Variants in UNC5D observed in about 807,000 individuals in gnomAD.
UNC5D encodes the protein unc-5 netrin receptor D, also known as netrin receptor UNC5D.
UNC5D carries 39 observed loss-of-function variants against 105.4 expected under a neutral mutation model. The observed-to-expected ratio is 0.37, with a 90% confidence interval of 0.29 to 0.48. UNC5D has a LOEUF of 0.48. Among genes scored for constraint, UNC5D ranks in the 20% least tolerant of loss-of-function variants. The probability of loss-of-function intolerance (pLI) is 0.98; values close to 1 mark genes in which losing one functional copy is unlikely to be tolerated. For synonymous variants in UNC5D, 452 were observed against 450.4 expected (o/e 1.00, Z -0.04); for missense variants, 991 against 1,202.4 (o/e 0.82, Z 2.60).
chr8:35,308,497 A>G (rs1808614513), intron 1 of UNC5D, among the ~76,000 whole-genome samples: 1 of 152,154 alleles, frequency 6.6e-6, no homozygotes, highest in South Asian at 2.1e-4. Context: ...TATTTTTGAA[A>G]TAAAAACTTT....
intron 1 of UNC5D, among the ~76,000 whole-genome samples, chr8:35,375,187 G>A (rs527539171): frequency 9.3e-4 from 142 of 152,242 alleles, no homozygotes; most frequent in Non-Finnish European, 2.6e-4. Context: ...TCTCTGTTGC[G>A]TTGAAAGGTG....
chr8:35,631,966 G>A (rs4145392), intron 4 of UNC5D, among the ~76,000 whole-genome samples: 79,072 of 152,098 alleles, frequency 0.52, 24,291 homozygotes, highest in Non-Finnish European at 0.66. Flanking sequence ...CAAATGATCA[G>A]ACAGGTTTCT....
intron 11 of UNC5D, among the ~76,000 whole-genome samples, chr8:35,744,507 G>A (rs1829910320): frequency 6.6e-6 from 1 of 152,096 alleles, no homozygotes; most frequent in Non-Finnish European, 1.5e-5. Flanking sequence ...TCTCTTGTGT[G>A]GAGGAGTTTT....
At chr8:35,674,066 TGA>T (rs1328871512) in intron 4 of UNC5D, among the ~76,000 whole-genome samples, 1 of 152,178 alleles carries the variant, frequency 6.6e-6, no homozygotes, top group Non-Finnish European at 1.5e-5. Context: ...TTGACAGTAA[TGA>T]TATAACTGGA....
intron 1 of UNC5D, among the ~76,000 whole-genome samples, chr8:35,516,461 AGC>A (rs1400973022): frequency 2.0e-5 from 3 of 152,220 alleles, no homozygotes; most frequent in African/African-American, 7.2e-5. Flanking sequence ...CCACTAGCAC[AGC>A]CACGGCAGTA....
chr8:35,573,230 C>CCATT (rs1267314558), intron 3 of UNC5D, among the ~76,000 whole-genome samples: 1 of 152,172 alleles, frequency 6.6e-6, no homozygotes, highest in Non-Finnish European at 1.5e-5. Flanking sequence ...GTTGATTTAA[C>CCATT]CATTCACCCA....
At chr8:35,640,804 G>T (rs1488963625) in intron 4 of UNC5D, among the ~76,000 whole-genome samples, 3 of 152,024 alleles carry the variant, frequency 2.0e-5, no homozygotes, top group Non-Finnish European at 4.4e-5. Flanking sequence ...TTAAAATATG[G>T]CTAAGTCCAG....
chr8:35,683,807 A>G (rs1283358524), intron 5 of UNC5D, 80 bp downstream of exon 5: 6 of 1,332,028 alleles, frequency 4.5e-6, no homozygotes, highest in Middle Eastern at 5.2e-4. Context: ...AAAACTTTCA[A>G]TGTCGAGAGC....
At chr8:35,634,385 G>A (rs1228089787) in intron 4 of UNC5D, among the ~76,000 whole-genome samples, 2 of 152,170 alleles carry the variant, frequency 1.3e-5, no homozygotes, top group African/African-American at 2.4e-5. Flanking sequence ...AGCAAAGGTT[G>A]CAGAATAGAA....
At chr8:35,591,788 A>G (rs1047005302) in intron 3 of UNC5D, among the ~76,000 whole-genome samples, 2 of 152,198 alleles carry the variant, frequency 1.3e-5, no homozygotes, top group Non-Finnish European at 2.9e-5. Flanking sequence ...ACCTGCTTTC[A>G]TAGAACCGAT....
rs577175013 is a variant in UNC5D, at chr8:35,386,414, A to G, written c.103+150527A>G. 5.3e-5 allele frequency among the ~76,000 whole-genome samples: 8 copies of G among 152,350 alleles called. No individual in the cohort carries two copies. In the East Asian group the frequency reaches 1.5e-3, roughly 29 times the overall value. On this transcript the variant is annotated intron_variant, in intron 1 of 16. Transcript: ENST00000404895. Reference sequence around the variant, plus strand: ...CAAATCAATCGGTTGACTTTCTAAAAGTACCTTATTGTTTTTTTAACTGGA... The same window carrying G: ...CAAATCAATCGGTTGACTTTCTAAAGGTACCTTATTGTTTTTTTAACTGGA...
At chr8:35,412,211 T>C (rs1252146333) in intron 1 of UNC5D, among the ~76,000 whole-genome samples, 1 of 152,064 alleles carries the variant, frequency 6.6e-6, no homozygotes, top group Non-Finnish European at 1.5e-5. Context: ...TCCTGCCTTT[T>C]ATTCTAATTT....
At chr8:35,341,878 C>A (rs1811479624) in intron 1 of UNC5D, among the ~76,000 whole-genome samples, 1 of 152,042 alleles carries the variant, frequency 6.6e-6, no homozygotes, top group African/African-American at 2.4e-5. Flanking sequence ...CCATGCGGTT[C>A]TTTTTGCAAC....
chr8:35,721,473 T>C, intron 8 of UNC5D: 1 of 702,986 alleles, frequency 1.4e-6, no homozygotes, highest in East Asian at 2.7e-5. Flanking sequence ...AGGAGAGGTA[T>C]GGGAGAAACA....
intron 6 of UNC5D, among the ~76,000 whole-genome samples, chr8:35,685,777 A>G (rs1288890644): frequency 6.6e-6 from 1 of 152,196 alleles, no homozygotes; most frequent in African/African-American, 2.4e-5. Flanking sequence ...GATCCAAGAC[A>G]AGGACTCAGA....
At position 35,726,543 on chromosome 8, in the gene UNC5D, G is replaced by A; in HGVS notation, c.1681+14G>A. On this transcript the variant is annotated intron_variant, in intron 10 of 16. Coordinates refer to ENST00000404895, the MANE Select transcript of UNC5D (RefSeq NM_080872.4). Reference sequence around the variant, plus strand: ...TGCCAAATACAGGTGGGTGGTAAGTGTGTGTTTGTGTATTTTCCATCATTT... The same window carrying A: ...TGCCAAATACAGGTGGGTGGTAAGTATGTGTTTGTGTATTTTCCATCATTT... 1 of 1,605,422 alleles carries A rather than the reference G, an allele frequency of 6.2e-7. No homozygotes were observed. The highest frequency in any genetic ancestry group is 1.1e-5 in the South Asian group (1 of 90,844).
At chr8:35,337,760 G>GA (rs61593529) in intron 1 of UNC5D, among the ~76,000 whole-genome samples, 400 of 140,528 alleles carry the variant, frequency 2.8e-3, no homozygotes, top group Admixed American at 4.9e-3. Flanking sequence ...CTTTTTTCAA[G>GA]AAAAAAAAAA....
In UNC5D at chr8:35,405,352, T is replaced by C. The variant is rs148466957; in HGVS notation, c.104-143940T>C. ...GAACCTTGTATCCTAATTAACATGT[T>C]GCATTTTTCTGAAATTCCATAGACT... On this transcript the variant is annotated intron_variant, in intron 1 of 16. Transcript: ENST00000404895. Among the ~76,000 whole-genome samples, 100 of 152,306 alleles carry C rather than the reference T, an allele frequency of 6.6e-4. No individual in the cohort carries two copies. In the East Asian group the frequency reaches 0.019, roughly 29 times the overall value.
At chr8:35,400,149 A>G (rs1804364987) in intron 1 of UNC5D, among the ~76,000 whole-genome samples, 1 of 152,120 alleles carries the variant, frequency 6.6e-6, no homozygotes, top group South Asian at 2.1e-4. Flanking sequence ...CAGCCTTGGA[A>G]GCATCTTATC....
Sources: allele counts gnomAD v4.1 joint callset (sites outside exome capture counted in the v4.1 genomes callset), GRCh38; gene constraint gnomAD v4.1.1; transcripts MANE v1.5; gene names NCBI Gene and HGNC (gene_info 2026-07-23, HGNC 2026-07-21).